The following SGCD variants were observed in gnomAD, a reference collection of about 807,000 sequenced individuals.
SGCD encodes sarcoglycan delta.
A neutral mutation model predicts 36.6 loss-of-function variants in SGCD; 18 were observed. The observed-to-expected ratio is 0.49, with a 90% CI of 0.34 to 0.73. The LOEUF is 0.73. SGCD is among the 30% of genes least tolerant of loss of function. SGCD has a pLI of 0.01. For synonymous variants in SGCD, 133 were observed against 130.6 expected (o/e 1.02, Z -0.12); for missense variants, 387 against 346.7 (o/e 1.12, Z -0.92).
chr5:155,737,955 T>A, the SGCD span, among the ~76,000 whole-genome samples: 1 of 152,152 alleles, frequency 6.6e-6, no homozygotes, highest in Non-Finnish European at 1.5e-5. Flanking sequence ...CTCTGGCTTT[T>A]CTGTGAGCCT....
intron 3 of SGCD, among the ~76,000 whole-genome samples, chr5:156,420,263 A>C (rs933883865): frequency 6.6e-6 from 1 of 152,150 alleles, no homozygotes; most frequent in Admixed American, 6.6e-5. Context: ...TCAGATTAAA[A>C]ATGTCCAGAG....
At chr5:155,729,300 G>A in the SGCD span, among the ~76,000 whole-genome samples, 1 of 152,228 alleles carries the variant, frequency 6.6e-6, no homozygotes, top group Non-Finnish European at 1.5e-5. Flanking sequence ...CAGCATAAGC[G>A]CTTAGAGATC....
At chr5:156,532,011 G>A (rs1040316276) in intron 4 of SGCD, among the ~76,000 whole-genome samples, 1 of 152,156 alleles carries the variant, frequency 6.6e-6, no homozygotes, top group African/African-American at 2.4e-5. Context: ...TCGGGAGGCT[G>A]AGGCAGGAGA....
rs1012207864 is a variant in SGCD at position 156,049,785 on chromosome 5, A to C, written c.-281-68093A>C. On this transcript the variant is annotated intron_variant, in intron 1 of 9. Coordinates refer to the SGCD transcript ENST00000517913. ...GCAACATGAGCATGACTTGGGAAAA[A>C]GTTGATTCCAGTATTAATGAGTGAC... Among the ~76,000 whole-genome samples the C allele has an allele frequency of 4.2e-4, 61 of 146,344 alleles. 4 individuals are homozygous for C. The highest frequency in any genetic ancestry group is 1.5e-3 in the African/African-American group (59 of 40,668).
Position 156,643,043 on chromosome 5 carries a change from T to TG in SGCD, c.503-4421_503-4420insG, listed in dbSNP as rs543945295. ...TTTTTTGTTTTTTTTTTTGTTTGTTTTTTTTTGAAACGGAGTTTCACCCTT... is the reference window on the plus strand; with the variant it reads ...TTTTTTGTTTTTTTTTTTGTTTGTTTGTTTTTTGAAACGGAGTTTCACCCTT... On this transcript the variant is annotated intron_variant, in intron 6 of 8. Transcript: ENST00000337851. Among the ~76,000 whole-genome samples, 770 of 150,856 alleles carry TG rather than the reference T, an allele frequency of 5.1e-3. 11 individuals are homozygous for TG. The highest frequency in any genetic ancestry group is 0.015 in the African/African-American group (623 of 41,152).
At chr5:156,290,125 G>A (rs1280069726) in intron 3 of SGCD, among the ~76,000 whole-genome samples, 1 of 152,118 alleles carries the variant, frequency 6.6e-6, no homozygotes, top group Non-Finnish European at 1.5e-5. Context: ...GCTAGGTACT[G>A]TGGTGAGAGT....
At chr5:156,094,909 G>A (rs1761339107) in intron 1 of SGCD, among the ~76,000 whole-genome samples, 1 of 152,130 alleles carries the variant, frequency 6.6e-6, no homozygotes, top group Non-Finnish European at 1.5e-5. Flanking sequence ...GCTGAGGCAG[G>A]AGAATCACCT....
chr5:155,908,621 A>G (rs1052174198), intron 1 of SGCD, among the ~76,000 whole-genome samples: 1 of 152,154 alleles, frequency 6.6e-6, no homozygotes, highest in Non-Finnish European at 1.5e-5. Flanking sequence ...GTTGAGGTAC[A>G]GTTGTCAAAC....
At chr5:155,822,516 C>G in the SGCD span, among the ~76,000 whole-genome samples, 1 of 151,738 alleles carries the variant, frequency 6.6e-6, no homozygotes, top group Non-Finnish European at 1.5e-5. Context: ...ATTTTGCACA[C>G]TGAGGTTTGA....
intron 2 of SGCD, among the ~76,000 whole-genome samples, chr5:156,337,363 C>T (rs1768408795): frequency 6.6e-6 from 1 of 152,142 alleles, no homozygotes; most frequent in Non-Finnish European, 1.5e-5. Context: ...ATTTGTATCA[C>T]TTGTCTTATT....
At chr5:156,365,836 G>A (rs779556048) in intron 3 of SGCD, among the ~76,000 whole-genome samples, 1 of 152,002 alleles carries the variant, frequency 6.6e-6, no homozygotes, top group Non-Finnish European at 1.5e-5. Flanking sequence ...ATATTTAAAT[G>A]TACATGTAAA....
chr5:156,010,209 A>G (rs1758832274), intron 1 of SGCD, among the ~76,000 whole-genome samples: 1 of 152,242 alleles, frequency 6.6e-6, no homozygotes, highest in Non-Finnish European at 1.5e-5. Flanking sequence ...TCGGCCTATT[A>G]TAGAGATTCT....
chr5:156,216,003 T>TA (rs1764562777), intron 3 of SGCD, among the ~76,000 whole-genome samples: 1 of 152,144 alleles, frequency 6.6e-6, no homozygotes, highest in Admixed American at 6.5e-5. Flanking sequence ...TATTTAGCCT[T>TA]AAAAAAGAAA....
chr5:156,652,206 T>G (rs993053023), intron 7 of SGCD, among the ~76,000 whole-genome samples: 1 of 151,914 alleles, frequency 6.6e-6, no homozygotes, highest in African/African-American at 2.4e-5. Flanking sequence ...TTGGACTGGG[T>G]GTGGTGGCTT....
chr5:156,258,965 G>T (rs1463888695), intron 3 of SGCD, among the ~76,000 whole-genome samples: 1 of 151,772 alleles, frequency 6.6e-6, no homozygotes, highest in Non-Finnish European at 1.5e-5. Flanking sequence ...GAGTAAAGGG[G>T]TTCTGACTAA....
chr5:156,251,148 C>A (rs567838186), intron 3 of SGCD, among the ~76,000 whole-genome samples: 1 of 152,232 alleles, frequency 6.6e-6, no homozygotes, highest in South Asian at 2.1e-4. Flanking sequence ...AAAAAAGCAA[C>A]CAAATACCAC....
At chr5:156,707,350 C>T (rs1439423208) in intron 7 of SGCD, among the ~76,000 whole-genome samples, 1 of 152,084 alleles carries the variant, frequency 6.6e-6, no homozygotes, top group African/African-American at 2.4e-5. Flanking sequence ...AGACTGACAT[C>T]TTCTTCATCT....
chr5:156,060,629 T>C lies in SGCD; in HGVS notation c.-281-57249T>C, dbSNP rs1347340250. ...TCATCAATGCTGGAATATATGTTGT[T>C]TTGTTGCATAGAAATAGGGTGTAAA... On this transcript the variant is annotated intron_variant, in intron 1 of 9. Coordinates refer to the SGCD transcript ENST00000517913. 3.4e-5 allele frequency among the ~76,000 whole-genome samples: 5 copies of C among 145,774 alleles called. 1 individual carries two copies. In the Admixed American group the frequency reaches 3.4e-4, roughly 10 times the overall value.
chr5:156,136,774 G>A (rs1276962150), intron 3 of SGCD, among the ~76,000 whole-genome samples: 1 of 152,084 alleles, frequency 6.6e-6, no homozygotes, highest in Non-Finnish European at 1.5e-5. Flanking sequence ...AAAAGCTATA[G>A]GATTGAACTC....
Sources: allele counts gnomAD v4.1 joint callset (sites outside exome capture counted in the v4.1 genomes callset), GRCh38; gene constraint gnomAD v4.1.1; transcripts MANE v1.5; gene names NCBI Gene and HGNC (gene_info 2026-07-23, HGNC 2026-07-21).